Variants in WDR86 observed in about 807,000 individuals in gnomAD.
WDR86 encodes the protein WD repeat-containing protein 86.
A neutral mutation model predicts 36.5 loss-of-function variants in WDR86; 30 were observed. The observed-to-expected ratio is 0.82, with a 90% CI of 0.61 to 1.11. The LOEUF is 1.11. Ranked by LOEUF, WDR86 falls within the 50% of genes most tolerant of loss-of-function variation. WDR86 has a pLI of 0.00. For missense variants in WDR86, 545 were observed against 561.2 expected (o/e 0.97, Z 0.29); for synonymous variants, 255 against 252.9 (o/e 1.01, Z -0.08).
chr7:151,385,827 G>A (rs560280689), intron 3 of WDR86, among the ~76,000 whole-genome samples: 1 of 152,252 alleles, frequency 6.6e-6, no homozygotes, highest in Non-Finnish European at 1.5e-5. Context: ...GGGCCCAGGA[G>A]ACAAGGGAAG....
downstream of WDR86, chr7:151,374,035 G>A: frequency 6.7e-7 from 1 of 1,498,766 alleles, no homozygotes; most frequent in Non-Finnish European, 8.9e-7. Flanking sequence ...GCAGAGCGCA[G>A]ACTGAGAGGC....
intron 3 of WDR86, among the ~76,000 whole-genome samples, chr7:151,391,257 C>T (rs1317926871): frequency 6.6e-6 from 1 of 152,262 alleles, no homozygotes; most frequent in Non-Finnish European, 1.5e-5. Flanking sequence ...CCCAGAAGTC[C>T]TGCTTCCCGG....
At position 151,381,235 on chromosome 7, in the gene WDR86, G is replaced by A. The variant is rs529421651; in HGVS notation, c.*347C>T. ...GTAAAAAGTCACTTCCTCTCAGCAG[G>A]AAAGGCCCAGTTTCGTGGGGCTGGG... On this transcript the variant is annotated 3_prime_UTR_variant, in exon 6 of 6. Transcript: ENST00000334493. This position sits in a 1 kb window ranked among gnomAD's most constrained non-coding sequence, Gnocchi z 4.8. 4.9e-4 allele frequency: 631 copies of A among 1,289,772 alleles called. No homozygotes were observed. The highest frequency in any genetic ancestry group is 8.8e-4 in the Middle Eastern group (3 of 3,410). The allele number at this position is 1,289,772 out of a possible 1,614,324, so 79.9% of individuals were successfully genotyped here. A position where few individuals can be genotyped will look rare whatever the true frequency, so the allele number is the denominator to read the frequency against.
chr7:151,408,384 C>G (rs1163167125), intron 1 of WDR86, among the ~76,000 whole-genome samples: 2 of 151,798 alleles, frequency 1.3e-5, no homozygotes, highest in Non-Finnish European at 2.9e-5. Context: ...TTTTATTAGA[C>G]ACAGGGTTTC....
Position 151,381,412 on chromosome 7 carries a change from T to C in WDR86, c.*170A>G, listed in dbSNP as rs909130301. 3 of 1,486,842 alleles carry C rather than the reference T, an allele frequency of 2.0e-6. No individual in the cohort carries two copies. The highest frequency in any genetic ancestry group is 1.5e-5 in the African/African-American group (1 of 68,656). The allele number at this position is 1,486,842 out of a possible 1,614,324, so 92.1% of individuals were successfully genotyped here. A position where few individuals can be genotyped will look rare whatever the true frequency, so the allele number is the denominator to read the frequency against. ...GGCGAGCACTCCCGCTCCCAGCGCCTCCTGGCCACCAAAGAAAAACCAGAC... is the reference window on the plus strand; with the variant it reads ...GGCGAGCACTCCCGCTCCCAGCGCCCCCTGGCCACCAAAGAAAAACCAGAC... On this transcript the variant is annotated 3_prime_UTR_variant, in exon 6 of 6. Coordinates refer to ENST00000334493, the MANE Select transcript of WDR86 (RefSeq NM_198285.3). The surrounding 1 kb of genome is among the most constrained non-coding windows in gnomAD (Gnocchi z 4.8).
chr7:151,375,800 T>A (rs1388909659), downstream of WDR86: 2 of 1,237,894 alleles, frequency 1.6e-6, no homozygotes, highest in South Asian at 2.4e-5. Context: ...TGTCTGAATG[T>A]GTGAAGAGTT....
chr7:151,400,857 A>G (rs544544655), intron 1 of WDR86, among the ~76,000 whole-genome samples: 1 of 152,244 alleles, frequency 6.6e-6, no homozygotes, highest in South Asian at 2.1e-4. Flanking sequence ...AGGCAAGCTC[A>G]TTCAAGCAAA....
At chr7:151,384,513 T>C (rs918684627) in intron 4 of WDR86, among the ~76,000 whole-genome samples, 1 of 152,230 alleles carries the variant, frequency 6.6e-6, no homozygotes, top group Non-Finnish European at 1.5e-5. Context: ...AGCAGCTATC[T>C]TGAATCATGA....
At chr7:151,402,745 G>A (rs905334294) in intron 1 of WDR86, among the ~76,000 whole-genome samples, 4 of 152,196 alleles carry the variant, frequency 2.6e-5, no homozygotes, top group Admixed American at 2.6e-4. Context: ...CTCAGCACCT[G>A]AGCTACCCCA....
At chr7:151,392,128 C>T (rs982440670) in intron 3 of WDR86, among the ~76,000 whole-genome samples, 10 of 152,172 alleles carry the variant, frequency 6.6e-5, no homozygotes, top group Admixed American at 5.2e-4. Flanking sequence ...CAGCCAGGCC[C>T]GAGCCAGCCA....
At position 151,402,047 on chromosome 7, in the gene WDR86, C is replaced by CAAAAA. The variant is rs71198714; in HGVS notation, c.164-1811_164-1807dup. ...TGGGTGACAGAGCAAAACTCTGCCT[C>CAAAAA]AAAAAAAAAAAAAAAAAAAAAAAAT... On this transcript the variant is annotated intron_variant, in intron 1 of 5. Coordinates refer to ENST00000334493, the MANE Select transcript of WDR86 (RefSeq NM_198285.3). Among the ~76,000 whole-genome samples the CAAAAA allele has an allele frequency of 9.4e-4, 14 of 14,944 alleles. 1 individual carries two copies. The highest frequency in any genetic ancestry group is 2.4e-3 in the African/African-American group (7 of 2,888). The allele number at this position is 14,944 out of a possible 152,430, so 9.8% of individuals were successfully genotyped here.
rs1800259297 is a variant in WDR86, at chr7:151,401,150, C to T, written c.164-909G>A. ...TCCAGCCGGTCTTTGCTCTCTCATC[C>T]TCACAGGCAGCCTACCCTGACTCCC... On this transcript the variant is annotated intron_variant, in intron 1 of 5. Transcript: ENST00000334493. The surrounding 1 kb of genome is among the most constrained non-coding windows in gnomAD (Gnocchi z 4.3). Among the ~76,000 whole-genome samples, 2 of 152,206 alleles carry T rather than the reference C, an allele frequency of 1.3e-5. No individual in the cohort carries two copies. The highest frequency in any genetic ancestry group is 1.3e-4 in the Admixed American group (2 of 15,282).
downstream of WDR86, chr7:151,376,578 G>A (rs77693954): frequency 2.2e-3 from 3,370 of 1,502,456 alleles, 54 homozygotes; most frequent in African/African-American, 0.041. Context: ...ATGGCTGACG[G>A]GGGTGGCAGA....
rs749901667 is a variant in WDR86, at chr7:151,375,973, T to C, written n.1317A>G. ...GTGACAGGCCTTTGTGCCCTCAGCT[T>C]GGACAGCCTCGGGTGGGGTTGCTTG... is the stretch of plus-strand genomic sequence containing the variant. On this transcript the variant is annotated non_coding_transcript_exon_variant, in exon 2 of 2. Transcript: ENST00000463000. The C allele has an allele frequency of 1.5e-4, 214 of 1,465,166 alleles. 2 individuals are homozygous for C. In the East Asian group the frequency reaches 4.9e-3, roughly 33 times the overall value. The allele number at this position is 1,465,166 out of a possible 1,614,324, so 90.8% of individuals were successfully genotyped here.
chr7:151,392,721 C>A (rs1246330383), intron 3 of WDR86, among the ~76,000 whole-genome samples: 1 of 152,228 alleles, frequency 6.6e-6, no homozygotes, highest in African/African-American at 2.4e-5. Context: ...GTGCACCCTG[C>A]ACACTGCGGG....
rs758391414 is a variant in WDR86 at position 151,396,083 on chromosome 7, A to G, written c.419T>C (p.Val140Ala). 2.5e-6 allele frequency: 4 copies of G among 1,612,666 alleles called. No homozygotes were observed. The Admixed American group carries it at 6.7e-5, about 27-fold the overall frequency. ...SREFRGHRNCVLTLAYSAPWD... is the reference protein window; with the variant it reads ...SREFRGHRNCALTLAYSAPWD... ...CGGGGCAGAGTAGGCTAGGGTCAGC[A>G]CGCAGTTGCGGTGGCCCCGGAACTC... Residue 140 changes from valine (V) to alanine (A), a missense_variant, in exon 3 of 6, where the codon GTG (valine) becomes GCG (alanine). Transcript: ENST00000334493.
At chr7:151,387,659 G>A (rs1171717465) in intron 3 of WDR86, among the ~76,000 whole-genome samples, 3 of 152,134 alleles carry the variant, frequency 2.0e-5, no homozygotes, top group African/African-American at 7.2e-5. Flanking sequence ...ACAGATGCGG[G>A]CCTCCACCTC....
At chr7:151,387,566 C>T (rs1224471291) in intron 3 of WDR86, among the ~76,000 whole-genome samples, 1 of 152,022 alleles carries the variant, frequency 6.6e-6, no homozygotes, top group East Asian at 1.9e-4. Context: ...GCAGCCACGG[C>T]GGCTCTGAGG....
At position 151,409,263 on chromosome 7, in the gene WDR86, C is replaced by G; in HGVS notation, c.163+164G>C. On this transcript the variant is annotated intron_variant, in intron 1 of 5. Coordinates refer to ENST00000334493, the MANE Select transcript of WDR86 (RefSeq NM_198285.3). The surrounding 1 kb of genome is among the most constrained non-coding windows in gnomAD (Gnocchi z 5.2). Reference sequence around the variant, plus strand: ...ACCTCACCCTGCCCTGCCGTGCGCTCAACAGCCAGATGCTGGGCCCAGACA... The same window carrying G: ...ACCTCACCCTGCCCTGCCGTGCGCTGAACAGCCAGATGCTGGGCCCAGACA... The G allele has an allele frequency of 1.6e-6, 2 of 1,233,482 alleles. No individual in the cohort carries two copies. Among genetic ancestry groups the G allele is most frequent in the Non-Finnish European group, 2.3e-6 (2 of 881,488 alleles). The allele number at this position is 1,233,482 out of a possible 1,614,324, so 76.4% of individuals were successfully genotyped here. A position where few individuals can be genotyped will look rare whatever the true frequency, so the allele number is the denominator to read the frequency against.
Sources: gnomAD v4.1 joint callset for allele counts (sites outside exome capture counted in the v4.1 genomes callset) on GRCh38, gnomAD v4.1.1 for gene constraint, Gnocchi (gnomAD v3.1) non-coding constraint, MANE v1.5 for transcripts, NCBI Gene and HGNC (gene_info 2026-07-23, HGNC 2026-07-21) for gene names.